LAMA2: variants seen among roughly 807,000 people sequenced by gnomAD.
LAMA2 encodes laminin subunit alpha-2.
LAMA2 carries 269 observed loss-of-function variants against 364.8 expected under a neutral mutation model. The observed-to-expected ratio is 0.74, with a 90% CI of 0.67 to 0.82. LAMA2 has a LOEUF of 0.82. LAMA2 is among the 40% of genes least tolerant of loss of function. LAMA2 has a pLI of 0.00. For synonymous variants in LAMA2, 1,379 were observed against 1,370.6 expected (o/e 1.01, Z -0.14); for missense variants, 3,807 against 3,873.2 (o/e 0.98, Z 0.45).
chr6:129,175,053 C>T (rs1219116818), intron 9 of LAMA2, among the ~76,000 whole-genome samples: 1 of 152,160 alleles, frequency 6.6e-6, no homozygotes, highest in Admixed American at 6.5e-5. Context: ...AATGCCTTTG[C>T]AAACTTTATT....
chr6:129,297,451 C>T (rs1172476460), intron 20 of LAMA2, among the ~76,000 whole-genome samples: 2 of 152,068 alleles, frequency 1.3e-5, no homozygotes, highest in Non-Finnish European at 2.9e-5. Flanking sequence ...GTAAAGGAAG[C>T]GCCTAATTCT....
chr6:129,218,823 G>A (rs1314314795), intron 12 of LAMA2, among the ~76,000 whole-genome samples: 1 of 151,946 alleles, frequency 6.6e-6, no homozygotes, highest in African/African-American at 2.4e-5. Flanking sequence ...ATTTGCAGAT[G>A]CTTAAATTTA....
chr6:129,137,156 A>G (rs1457450584), intron 4 of LAMA2, among the ~76,000 whole-genome samples: 1 of 152,072 alleles, frequency 6.6e-6, no homozygotes, highest in Non-Finnish European at 1.5e-5. Flanking sequence ...AGTTCTTGAC[A>G]TTTTATTATT....
At chr6:129,510,940 C>G (rs1435508124) in intron 62 of LAMA2, among the ~76,000 whole-genome samples, 1 of 152,148 alleles carries the variant, frequency 6.6e-6, no homozygotes, top group African/African-American at 2.4e-5. Flanking sequence ...CTAAAAGCTT[C>G]CCCCAAGATT....
chr6:129,110,011 G>A (rs935537881), intron 4 of LAMA2, among the ~76,000 whole-genome samples: 3 of 151,590 alleles, frequency 2.0e-5, no homozygotes, highest in Admixed American at 1.3e-4. Context: ...GTTACTTCTT[G>A]TGTGAAAAAC....
chr6:129,023,176 A>G (rs1183911597), intron 1 of LAMA2, among the ~76,000 whole-genome samples: 1 of 152,126 alleles, frequency 6.6e-6, no homozygotes, highest in Non-Finnish European at 1.5e-5. Context: ...ATTAAATCCA[A>G]TAAGCCTTTC....
chr6:129,035,117 C>A (rs2114741284), intron 1 of LAMA2, among the ~76,000 whole-genome samples: 1 of 152,220 alleles, frequency 6.6e-6, no homozygotes, highest in South Asian at 2.1e-4. Context: ...TATAAGCATT[C>A]CCTTTTCTCT....
chr6:129,190,178 G>C (rs770817845), intron 10 of LAMA2, 27 bp from the exon 11 acceptor site: 2 of 1,611,462 alleles, frequency 1.2e-6, no homozygotes, highest in Non-Finnish European at 1.7e-6. Context: ...GGATACCTCT[G>C]TTGCTGATAC....
At chr6:129,226,786 T>C (rs1412286995) in intron 12 of LAMA2, among the ~76,000 whole-genome samples, 1 of 152,160 alleles carries the variant, frequency 6.6e-6, no homozygotes, top group South Asian at 2.1e-4. Flanking sequence ...ATTTCAACTT[T>C]GGTGAATCTG....
intron 56 of LAMA2, among the ~76,000 whole-genome samples, chr6:129,486,919 T>C (rs1784615853): frequency 6.6e-6 from 1 of 152,210 alleles, no homozygotes; most frequent in African/African-American, 2.4e-5. Context: ...CTGCCCCTCT[T>C]AAATATTACC....
At chr6:129,112,158 T>C (rs1214019081) in intron 4 of LAMA2, among the ~76,000 whole-genome samples, 2 of 151,984 alleles carry the variant, frequency 1.3e-5, no homozygotes, top group African/African-American at 2.4e-5. Flanking sequence ...TAAACTACCT[T>C]TATTGCAAGA....
At chr6:129,516,078 C>A in intron 64 of LAMA2, 112 bp from the exon 65 acceptor site, 1 of 1,189,944 alleles carries the variant, frequency 8.4e-7, no homozygotes, top group African/African-American at 1.5e-5. Flanking sequence ...ACTAACTTTG[C>A]ATAAAACAGC....
rs765011883 is a variant in LAMA2, at chr6:129,438,777, C to T, written c.6085+15C>T. On this transcript the variant is annotated intron_variant, in intron 42 of 64. Transcript: ENST00000421865. ...TATTCCAAATGGTAAGCATTCAGGACACTACCAACTGTGTCAGTTGACCTG... is the reference window on the plus strand; with the variant it reads ...TATTCCAAATGGTAAGCATTCAGGATACTACCAACTGTGTCAGTTGACCTG... 1 of 1,243,698 alleles carries T rather than the reference C, an allele frequency of 8.0e-7. No individual in the cohort carries two copies. Among genetic ancestry groups the T allele is most frequent in the South Asian group, 1.2e-5 (1 of 83,714 alleles). The allele number at this position is 1,243,698 out of a possible 1,614,324, so 77.0% of individuals were successfully genotyped here.
intron 2 of LAMA2, among the ~76,000 whole-genome samples, chr6:129,051,078 ATC>A (rs1327294395): frequency 6.6e-6 from 1 of 151,950 alleles, no homozygotes; most frequent in African/African-American, 2.4e-5. Context: ...TGCTAAAGTC[ATC>A]TAAAGATTTC....
intron 58 of LAMA2, among the ~76,000 whole-genome samples, chr6:129,500,489 C>T (rs56056014): frequency 0.026 from 3,953 of 152,260 alleles, 167 homozygotes; most frequent in African/African-American, 0.087. Flanking sequence ...CTTCTGCCTG[C>T]TTCTTGAGGG....
intron 29 of LAMA2, among the ~76,000 whole-genome samples, chr6:129,331,075 T>A (rs1391587228): frequency 6.6e-6 from 1 of 152,136 alleles, no homozygotes; most frequent in Non-Finnish European, 1.5e-5. Flanking sequence ...TTCACTGTGT[T>A]AGCCAGGATG....
At chr6:129,368,144 G>A (rs1395704926) in intron 33 of LAMA2, among the ~76,000 whole-genome samples, 1 of 152,166 alleles carries the variant, frequency 6.6e-6, no homozygotes, top group Non-Finnish European at 1.5e-5. Flanking sequence ...CAATCATGAA[G>A]GCTACATTCT....
intron 1 of LAMA2, among the ~76,000 whole-genome samples, chr6:128,926,862 G>A (rs938456573): frequency 6.6e-6 from 1 of 152,178 alleles, no homozygotes; most frequent in African/African-American, 2.4e-5. Context: ...TGGTAACATT[G>A]TGAAACAAAT....
At chr6:129,345,550 T>G (rs2114575805) in intron 30 of LAMA2, among the ~76,000 whole-genome samples, 1 of 152,262 alleles carries the variant, frequency 6.6e-6, no homozygotes, top group South Asian at 2.1e-4. Context: ...TTGAGTAAAT[T>G]TTTATGCAAA....
Sources: allele counts gnomAD v4.1 joint callset (sites outside exome capture counted in the v4.1 genomes callset), GRCh38; gene constraint gnomAD v4.1.1; transcripts MANE v1.5; gene names NCBI Gene and HGNC (gene_info 2026-07-23, HGNC 2026-07-21).